The following ULK4 variants were observed in gnomAD, a reference collection of about 807,000 sequenced individuals.
ULK4 encodes the protein unc-51 like kinase 4.
In ULK4, 133 loss-of-function variants were observed where a neutral mutation model predicts 160.6. The ratio of observed to expected loss-of-function variants is 0.83; its 90% confidence interval spans 0.72 to 0.96. The LOEUF (loss-of-function observed/expected upper bound fraction) is 0.96, where lower values mean the gene tolerates loss of function less well. ULK4 is among the 40% of genes least tolerant of loss of function. The probability of loss-of-function intolerance (pLI) is 0.00; values close to 1 mark genes in which losing one functional copy is unlikely to be tolerated. For synonymous variants in ULK4, 534 were observed against 539.8 expected (o/e 0.99, Z 0.15); for missense variants, 1,580 against 1,499.5 (o/e 1.05, Z -0.89).
chr3:41,383,241 G>A (rs558989919), intron 35 of ULK4, among the ~76,000 whole-genome samples: 3 of 152,032 alleles, frequency 2.0e-5, no homozygotes, highest in Admixed American at 1.3e-4. Flanking sequence ...TAGGATTACA[G>A]GCGCCTGCCA....
intron 34 of ULK4, among the ~76,000 whole-genome samples, chr3:41,443,961 T>A (rs868666800): frequency 2.6e-5 from 4 of 152,002 alleles, no homozygotes; most frequent in South Asian, 2.1e-4. Flanking sequence ...TTGAGCAACA[T>A]ATAGATTAAC....
At chr3:41,473,171 G>T (rs982104216) in intron 32 of ULK4, among the ~76,000 whole-genome samples, 3 of 152,078 alleles carry the variant, frequency 2.0e-5, no homozygotes, top group Admixed American at 6.5e-5. Flanking sequence ...TTTCCTCTAA[G>T]ATCCAGAGGA....
chr3:41,792,499 C>T (rs138261766), intron 20 of ULK4, among the ~76,000 whole-genome samples: 1 of 152,126 alleles, frequency 6.6e-6, no homozygotes, highest in African/African-American at 2.4e-5. Context: ...CACAGCACAA[C>T]AGTAAGTCTC....
At position 41,919,836 on chromosome 3, in the gene ULK4, A is replaced by C. The variant is rs772451614; in HGVS notation, c.542-18T>G. On this transcript the variant is annotated intron_variant, in intron 5 of 36. Transcript: ENST00000301831. ...AGGAGATCCTAAAAGCAAAGTATGAAGAACAGCTCGGTTAGGCATTTGTAT... is the reference window on the plus strand; with the variant it reads ...AGGAGATCCTAAAAGCAAAGTATGACGAACAGCTCGGTTAGGCATTTGTAT... 51 of 1,582,874 alleles carry C rather than the reference A, an allele frequency of 3.2e-5. No homozygotes were observed. The highest frequency in any genetic ancestry group is 1.7e-5 in the Non-Finnish European group (20 of 1,154,896).
chr3:41,757,700 C>T (rs1204081692), intron 21 of ULK4, among the ~76,000 whole-genome samples: 1 of 150,118 alleles, frequency 6.7e-6, no homozygotes, highest in Non-Finnish European at 1.5e-5. Context: ...GTGGTGCAAT[C>T]TCGGCTCACT....
chr3:41,268,992 G>A (rs572708455), intron 35 of ULK4, among the ~76,000 whole-genome samples: 86 of 152,108 alleles, frequency 5.7e-4, no homozygotes, highest in Non-Finnish European at 9.6e-4. Flanking sequence ...CACTGGCCAC[G>A]CTGACCCAAC....
In ULK4 at chr3:41,943,200, G is replaced by A. The variant is rs570098886; in HGVS notation, c.139-5003C>T. Among the ~76,000 whole-genome samples the A allele has an allele frequency of 1.2e-3, 168 of 142,000 alleles. 4 individuals are homozygous for A. The highest frequency in any genetic ancestry group is 5.7e-4 in the Non-Finnish European group (38 of 66,258). 93.2% of individuals were successfully genotyped at this position (142,000 alleles called of 152,430 possible). A position where few individuals can be genotyped will look rare whatever the true frequency, so the allele number is the denominator to read the frequency against. On this transcript the variant is annotated intron_variant, in intron 2 of 36. Coordinates refer to ENST00000301831, the MANE Select transcript of ULK4 (RefSeq NM_017886.4). The stretch of plus-strand genomic sequence containing the variant: ...CGCACTCCAGCCTGGGCGACAGAGC[G>A]AGACTCCATCTCAAAAAAAAAAAAA...
chr3:41,339,536 C>T (rs2080637900), intron 35 of ULK4, among the ~76,000 whole-genome samples: 1 of 152,194 alleles, frequency 6.6e-6, no homozygotes, highest in Non-Finnish European at 1.5e-5. Flanking sequence ...TTACAGGTTT[C>T]TCCTGGGAGC....
intron 21 of ULK4, among the ~76,000 whole-genome samples, chr3:41,776,418 T>G (rs2039624759): frequency 6.6e-6 from 1 of 150,866 alleles, no homozygotes. Context: ...TTTCATATTT[T>G]AGTCTTATGT....
intron 35 of ULK4, among the ~76,000 whole-genome samples, chr3:41,361,692 TA>T (rs1195787518): frequency 5.3e-5 from 8 of 152,320 alleles, no homozygotes; most frequent in South Asian, 2.1e-4. Context: ...AAGTCTTTAT[TA>T]TTTTGTTTTC....
At chr3:41,738,991 C>A (rs899500788) in intron 22 of ULK4, among the ~76,000 whole-genome samples, 4 of 151,890 alleles carry the variant, frequency 2.6e-5, no homozygotes, top group Admixed American at 6.6e-5. Flanking sequence ...CAATACACAT[C>A]TGTGCAGCTT....
At chr3:41,766,630 C>T (rs899882067) in intron 21 of ULK4, 1 of 152,202 alleles carries the variant, frequency 6.6e-6, no homozygotes, top group African/African-American at 2.4e-5. Context: ...TGGATGATGT[C>T]AAAGCTGGTT....
intron 35 of ULK4, among the ~76,000 whole-genome samples, chr3:41,333,247 G>A (rs1022484158): frequency 6.6e-6 from 1 of 152,208 alleles, no homozygotes; most frequent in Non-Finnish European, 1.5e-5. Flanking sequence ...GGAAGTTAAT[G>A]TTATGACAGC....
chr3:41,809,774 ATC>A (rs1406108001), intron 19 of ULK4, among the ~76,000 whole-genome samples: 1 of 152,096 alleles, frequency 6.6e-6, no homozygotes, highest in Non-Finnish European at 1.5e-5. Flanking sequence ...TACCAATATA[ATC>A]TTTTTTCAAT....
intron 18 of ULK4, among the ~76,000 whole-genome samples, chr3:41,824,404 T>G (rs1156253746): frequency 1.3e-5 from 2 of 151,912 alleles, no homozygotes; most frequent in Non-Finnish European, 2.9e-5. Flanking sequence ...GTCAGTGAAT[T>G]CCCTTCCCTA....
chr3:41,392,033 G>A (rs1462063010), intron 35 of ULK4, among the ~76,000 whole-genome samples: 1 of 152,012 alleles, frequency 6.6e-6, no homozygotes, highest in Non-Finnish European at 1.5e-5. Context: ...AATCTGTGGT[G>A]GTTCATGTGT....
intron 8 of ULK4, chr3:41,914,648 A>G (rs1427738813): frequency 6.6e-6 from 1 of 152,232 alleles, no homozygotes; most frequent in Non-Finnish European, 1.5e-5. Context: ...CAACACATAT[A>G]ATATTCCAAA....
At chr3:41,439,929 T>A (rs973685891) in intron 34 of ULK4, among the ~76,000 whole-genome samples, 2 of 152,196 alleles carry the variant, frequency 1.3e-5, no homozygotes, top group Admixed American at 1.3e-4. Flanking sequence ...TTCCATACCT[T>A]TTGTTAGATT....
At chr3:41,272,164 G>A (rs1374135597) in intron 35 of ULK4, among the ~76,000 whole-genome samples, 1 of 152,060 alleles carries the variant, frequency 6.6e-6, no homozygotes, top group Non-Finnish European at 1.5e-5. Flanking sequence ...TGATCCACCT[G>A]CCTCAGCCTC....
Sources: allele counts gnomAD v4.1 joint callset (sites outside exome capture counted in the v4.1 genomes callset), GRCh38; gene constraint gnomAD v4.1.1; transcripts MANE v1.5; gene names NCBI Gene and HGNC (gene_info 2026-07-23, HGNC 2026-07-21).